The following HOMER2 variants were observed in gnomAD, a reference collection of about 807,000 sequenced individuals.
HOMER2 encodes the protein homer protein homolog 2.
In HOMER2, 27 loss-of-function variants were observed where a neutral mutation model predicts 47.0. That is an observed-to-expected ratio of 0.57 (90% CI 0.42 to 0.79). The LOEUF is 0.79. Among genes scored for constraint, HOMER2 ranks in the 30% least tolerant of loss-of-function variants. The pLI, the probability that HOMER2 is intolerant of heterozygous loss-of-function variation, is 0.00. For synonymous variants in HOMER2, 161 were observed against 163.8 expected (o/e 0.98, Z 0.13); for missense variants, 443 against 435.0 (o/e 1.02, Z -0.16).
intron 2 of HOMER2, among the ~76,000 whole-genome samples, chr15:82,875,838 A>T (rs891789709): frequency 3.3e-5 from 5 of 152,154 alleles, no homozygotes; most frequent in Admixed American, 2.0e-4. Flanking sequence ...ACAATTGAAA[A>T]TCTCTATAAG....
At chr15:82,915,696 G>C (rs2053572386) in intron 1 of HOMER2, among the ~76,000 whole-genome samples, 1 of 152,046 alleles carries the variant, frequency 6.6e-6, no homozygotes, top group African/African-American at 2.4e-5. Flanking sequence ...TAAAGCCTTA[G>C]AACTGCATAC....
chr15:82,868,729 TTAG>T (rs2052076014), intron 3 of HOMER2, among the ~76,000 whole-genome samples: 1 of 150,830 alleles, frequency 6.6e-6, no homozygotes, highest in Non-Finnish European at 1.5e-5. Context: ...TTTTGTATTT[TTAG>T]TAGAGACGGG....
intron 1 of HOMER2, among the ~76,000 whole-genome samples, chr15:82,938,041 G>A (rs953308329): frequency 3.3e-5 from 5 of 152,092 alleles, no homozygotes; most frequent in African/African-American, 9.7e-5. Context: ...TCTACCCTCC[G>A]GTTCTCAGAT....
rs1019489453 is a variant in HOMER2, at chr15:82,892,570, T to C, written c.162+115A>G. ...AAGTTTAAATGCAAAAAGAACAGAA[T>C]ATGTTATACAGACATTATAACAATA... On this transcript the variant is annotated intron_variant, in intron 2 of 8. Coordinates refer to ENST00000450735, the MANE Select transcript of HOMER2 (RefSeq NM_004839.4). The C allele has an allele frequency of 2.6e-5, 20 of 760,494 alleles. No homozygotes were observed. In the Admixed American group the frequency reaches 5.0e-4, roughly 19 times the overall value. The allele number at this position is 760,494 out of a possible 1,614,324, so 47.1% of individuals were successfully genotyped here.
chr15:82,849,722 TCGGTGCCC>T lies in HOMER2; in HGVS notation c.1017_1024del (p.Gly340Ter). ...CCTGGGCCTCGGCCAGCCCTAGTTATCGGTGCCCAGCTTGGAGAGCCCTCGGCGGAAGT... is the reference window on the plus strand; with the variant it reads ...CCTGGGCCTCGGCCAGCCCTAGTTATAGCTTGGAGAGCCCTCGGCGGAAGT... On this transcript the variant is annotated frameshift_variant, in exon 9 of 9. Coordinates refer to ENST00000450735, the MANE Select transcript of HOMER2 (RefSeq NM_004839.4). LOFTEE classifies it high-confidence loss of function. The T allele has an allele frequency of 1.2e-6, 2 of 1,613,044 alleles. No homozygotes were observed. Among genetic ancestry groups the T allele is most frequent in the Non-Finnish European group, 1.7e-6 (2 of 1,179,554 alleles).
chr15:82,865,962 G>A (rs1328355187), intron 3 of HOMER2, among the ~76,000 whole-genome samples: 1 of 152,246 alleles, frequency 6.6e-6, no homozygotes, highest in Non-Finnish European at 1.5e-5. Flanking sequence ...GAAGGGAAAT[G>A]TGGGGTCAAA....
chr15:82,944,808 A>G (rs962037829), intron 1 of HOMER2, among the ~76,000 whole-genome samples: 5 of 151,588 alleles, frequency 3.3e-5, no homozygotes, highest in Non-Finnish European at 7.4e-5. Context: ...TTCCTTTTGT[A>G]TACATCCCTG....
intron 4 of HOMER2, 88 bp downstream of exon 4, chr15:82,864,079 A>AT (rs754693477): frequency 3.6e-5 from 28 of 780,436 alleles, no homozygotes; most frequent in African/African-American, 3.5e-4. Flanking sequence ...TATTGTCAAA[A>AT]TTCCCTATTT....
chr15:82,957,931 G>A (rs576296273), downstream of HOMER2, among the ~76,000 whole-genome samples: 1 of 152,252 alleles, frequency 6.6e-6, no homozygotes, highest in Admixed American at 6.5e-5. Flanking sequence ...TCTGCCTCCC[G>A]GGTTCAAGCG....
At chr15:82,980,368 T>C (rs2030351831) in intron 1 of HOMER2, among the ~76,000 whole-genome samples, 2 of 152,158 alleles carry the variant, frequency 1.3e-5, no homozygotes, top group South Asian at 4.1e-4. Context: ...CAGAGCCCTC[T>C]GAAATTATTC....
chr15:82,835,901 T>C (rs963390258), downstream of HOMER2: 3 of 152,264 alleles, frequency 2.0e-5, no homozygotes, highest in African/African-American at 7.2e-5. Context: ...AAATCACAAC[T>C]TTGTGGGACT....
rs150366589 is a variant in HOMER2 at position 82,930,397 on chromosome 15, C to T, written c.5+22134G>A. ...ATGACCTGACGTCTGTACAGCATGC[C>T]ATCCTGCAGCCTCAGAGGTAAGCGT... On this transcript the variant is annotated intron_variant, in intron 1 of 8. Coordinates refer to ENST00000450735, the MANE Select transcript of HOMER2 (RefSeq NM_004839.4). Among the ~76,000 whole-genome samples the T allele has an allele frequency of 1.4e-3, 209 of 152,334 alleles. 5 individuals carry two copies. In the East Asian group the frequency reaches 0.019, roughly 14 times the overall value.
chr15:82,967,737 C>T (rs1014186073), intron 1 of HOMER2, among the ~76,000 whole-genome samples: 5 of 152,012 alleles, frequency 3.3e-5, no homozygotes, highest in Admixed American at 6.6e-5. Context: ...ATTAGCTGGG[C>T]GTTGTGGCGG....
At chr15:82,921,692 A>C (rs1380521762) in intron 1 of HOMER2, among the ~76,000 whole-genome samples, 1 of 152,042 alleles carries the variant, frequency 6.6e-6, no homozygotes, top group African/African-American at 2.4e-5. Context: ...CCCTTGCTGG[A>C]CCTGCAGACT....
chr15:82,977,444 A>C (rs1395218332), intron 1 of HOMER2, among the ~76,000 whole-genome samples: 1 of 152,224 alleles, frequency 6.6e-6, no homozygotes, highest in African/African-American at 2.4e-5. Flanking sequence ...CCAACTGCTT[A>C]AATTGGTGCT....
chr15:82,983,823 C>T (rs2030480907), intron 1 of HOMER2, among the ~76,000 whole-genome samples: 1 of 151,852 alleles, frequency 6.6e-6, no homozygotes, highest in Non-Finnish European at 1.5e-5. Context: ...AACTCCTGAC[C>T]TCAAGTGATC....
At chr15:82,969,402 C>T (rs954049278) in intron 1 of HOMER2, among the ~76,000 whole-genome samples, 33 of 152,308 alleles carry the variant, frequency 2.2e-4, no homozygotes, top group Admixed American at 5.9e-4. Flanking sequence ...TAAAAGCTTG[C>T]TATTTATAAA....
chr15:82,903,134 G>A (rs1352788189), intron 1 of HOMER2, among the ~76,000 whole-genome samples: 2 of 152,212 alleles, frequency 1.3e-5, no homozygotes, highest in African/African-American at 4.8e-5. Context: ...GGGCTGAAGG[G>A]GGAAGAGACC....
At chr15:82,909,640 A>T (rs2053397641) in intron 1 of HOMER2, among the ~76,000 whole-genome samples, 1 of 152,174 alleles carries the variant, frequency 6.6e-6, no homozygotes, top group Non-Finnish European at 1.5e-5. Context: ...AGGAGGTGTA[A>T]AGAACAAGGA....
Sources: gnomAD v4.1 joint callset for allele counts (sites outside exome capture counted in the v4.1 genomes callset) on GRCh38, gnomAD v4.1.1 for gene constraint, MANE v1.5 for transcripts, NCBI Gene and HGNC (gene_info 2026-07-23, HGNC 2026-07-21) for gene names.